Variants in KIAA0319 observed in about 807,000 individuals in gnomAD.
KIAA0319 encodes KIAA0319.
Under a neutral mutation model 108.4 loss-of-function variants are expected in KIAA0319, and 83 were observed. That is an observed-to-expected ratio of 0.77 (90% CI 0.64 to 0.92). The LOEUF is 0.92. Among genes scored for constraint, KIAA0319 ranks in the 40% least tolerant of loss-of-function variants. KIAA0319 has a pLI of 0.00. For missense variants in KIAA0319, 1,195 were observed against 1,322.4 expected (o/e 0.90, Z 1.49); for synonymous variants, 484 against 510.4 (o/e 0.95, Z 0.70).
intron 1 of KIAA0319, among the ~76,000 whole-genome samples, chr6:24,624,199 GGTT>G (rs1202563725): frequency 7.8e-6 from 1 of 128,458 alleles, no homozygotes; most frequent in Non-Finnish European, 1.6e-5. Context: ...TAATTTTTGG[GGTT>G]GTTTTTTTTT....
chr6:24,576,662 G>C, intron 9 of KIAA0319, 66 bp from the exon 10 acceptor site: 2 of 1,283,874 alleles, frequency 1.6e-6, no homozygotes, highest in Non-Finnish European at 2.3e-6. Flanking sequence ...ACTCACGCCT[G>C]TAATCCCAAC....
At chr6:24,638,615 C>G (rs1776511468) in intron 1 of KIAA0319, among the ~76,000 whole-genome samples, 1 of 152,038 alleles carries the variant, frequency 6.6e-6, no homozygotes, top group Non-Finnish European at 1.5e-5. Context: ...AAAAAATTAA[C>G]CAGGCGTGGT....
rs545968280 is a variant in KIAA0319 at position 24,631,789 on chromosome 6, A to G, written c.-106+13947T>C. ...TGCCTTGTGCTATAGTAAGTAAATT[A>G]TCACCTTTAGAAAACATGCCCCAAG... On this transcript the variant is annotated intron_variant, in intron 1 of 20. Transcript: ENST00000378214. 2.6e-5 allele frequency among the ~76,000 whole-genome samples: 4 copies of G among 152,368 alleles called. No individual in the cohort carries two copies. In the South Asian group the frequency reaches 8.3e-4, roughly 32 times the overall value.
rs190029180 is a variant in KIAA0319 at position 24,645,909 on chromosome 6, A to G, written c.-279T>C. 7.9e-5 allele frequency: 12 copies of G among 151,766 alleles called. No homozygotes were observed. The highest frequency in any genetic ancestry group is 1.3e-4 in the Non-Finnish European group (9 of 69,244). The allele number at this position is 151,766 out of a possible 1,614,324, so 9.4% of individuals were successfully genotyped here. On this transcript the variant is annotated 5_prime_UTR_variant, in exon 1 of 21. Coordinates refer to ENST00000378214, the MANE Select transcript of KIAA0319 (RefSeq NM_014809.4). ...CACACGTTCACACCCTCGCGCGCGCACCTGCTGTTAAGAGGTACAGCCCCA... is the reference window on the plus strand; with the variant it reads ...CACACGTTCACACCCTCGCGCGCGCGCCTGCTGTTAAGAGGTACAGCCCCA...
intron 1 of KIAA0319, among the ~76,000 whole-genome samples, chr6:24,611,871 C>A (rs9356938): frequency 5.9e-5 from 9 of 151,830 alleles, no homozygotes; most frequent in African/African-American, 2.2e-4. Context: ...CTGGACAACA[C>A]AGGGAGAACC....
At chr6:24,642,738 A>G (rs113456233) in intron 1 of KIAA0319, among the ~76,000 whole-genome samples, 8,704 of 136,474 alleles carry the variant, frequency 0.064, 337 homozygotes, top group Middle Eastern at 0.089. Flanking sequence ...TTTTTTTTTG[A>G]ATTAGAGTCT....
chr6:24,615,968 A>G (rs1404912147), intron 1 of KIAA0319, among the ~76,000 whole-genome samples: 1 of 152,206 alleles, frequency 6.6e-6, no homozygotes, highest in Non-Finnish European at 1.5e-5. Flanking sequence ...TATCAGAAAT[A>G]TGAGTTTCTC....
intron 1 of KIAA0319, among the ~76,000 whole-genome samples, chr6:24,630,551 GA>G (rs1222354430): frequency 1.4e-5 from 2 of 141,046 alleles, no homozygotes; most frequent in African/African-American, 2.5e-5. Context: ...AAAGAAAAAA[GA>G]AAAAAATTAC....
At chr6:24,595,746 G>T in intron 3 of KIAA0319, 127 bp downstream of exon 3, 2 of 965,334 alleles carry the variant, frequency 2.1e-6, no homozygotes, top group Non-Finnish European at 3.0e-6. Flanking sequence ...TGAGACAGGT[G>T]CCCTTAGGCG....
intron 1 of KIAA0319, among the ~76,000 whole-genome samples, chr6:24,606,917 G>T (rs560338256): frequency 1.5e-3 from 236 of 152,372 alleles, no homozygotes; most frequent in Non-Finnish European, 3.0e-3. Context: ...CCTTGAGAAA[G>T]CAAGCCAGTG....
intron 4 of KIAA0319, among the ~76,000 whole-genome samples, chr6:24,587,752 A>G (rs1008565901): frequency 1.3e-5 from 2 of 150,538 alleles, no homozygotes; most frequent in African/African-American, 4.9e-5. Context: ...ACGCCCAGCT[A>G]ATTTTTTTTG....
chr6:24,607,805 G>A (rs1039752388), intron 1 of KIAA0319, among the ~76,000 whole-genome samples: 2 of 152,044 alleles, frequency 1.3e-5, no homozygotes, highest in Admixed American at 1.3e-4. Flanking sequence ...GCTTAAGTAT[G>A]CATTTTAAAT....
rs1039035204 is a variant in KIAA0319 at position 24,596,426 on chromosome 6, G to A, written c.248C>T (p.Pro83Leu). 1.2e-6 allele frequency: 2 copies of A among 1,614,056 alleles called. No individual in the cohort carries two copies. Among genetic ancestry groups the A allele is most frequent in the Non-Finnish European group, 8.5e-7 (1 of 1,180,036 alleles). ...CTTGGGCTCACAGTTCTCTTTGTGGGGGCAGCTCACCAGGTAGCAGCGGCC... is the reference window on the plus strand; with the variant it reads ...CTTGGGCTCACAGTTCTCTTTGTGGAGGCAGCTCACCAGGTAGCAGCGGCC... The part of the protein sequence containing the change: ...FEGRCYLVSC[P>L]HKENCEPKKM... The change falls in exon 3 of 21, where the codon CCC becomes CTC. Residue 83 changes from proline (P) to leucine (L), a missense_variant. By Grantham distance (98) the Pro-to-Leu change is moderately conservative. Transcript: ENST00000378214.
rs554358650 is a variant in KIAA0319, at chr6:24,556,621, C to G, written c.2843G>C (p.Gly948Ala). The G allele has an allele frequency of 6.2e-7, 1 of 1,614,010 alleles. No individual in the cohort carries two copies. The highest frequency in any genetic ancestry group is 1.7e-5 in the Admixed American group (1 of 60,026). The change falls in exon 18 of 21, where the codon GGA becomes GCA. Residue 948 changes from glycine to alanine, a missense_variant. By Grantham distance (60) the Gly-to-Ala change is moderately conservative. Coordinates refer to ENST00000378214, the MANE Select transcript of KIAA0319 (RefSeq NM_014809.4). ...ENLIQRYIWD[G>A]ESNCEWSIFY... ...CCAGAACTCACCACAGTTGCTCTCT[C>G]CATCCCAGATATAACGCTGTATAAG...
At position 24,595,909 on chromosome 6, in the gene KIAA0319, C is replaced by A. The variant is rs546801758; in HGVS notation, c.765G>T (p.Gln255His). 1.2e-6 allele frequency: 2 copies of A among 1,611,236 alleles called. No individual in the cohort carries two copies. The highest frequency in any genetic ancestry group is 2.7e-5 in the African/African-American group (2 of 74,986). ...AGCTGTTGCTGGATTGTTCCTGGAGCTGAGAAGCCTTTTCTTTCTCCAACA... is the reference window on the plus strand; with the variant it reads ...AGCTGTTGCTGGATTGTTCCTGGAGATGAGAAGCCTTTTCTTTCTCCAACA... Reference protein sequence around the residue: ...GEVLEKEKASQLQEQSSNSSG... With the variant: ...GEVLEKEKASHLQEQSSNSSG... Residue 255 changes from glutamine (Q) to histidine (H), a missense_variant, in exon 3 of 21, where the codon CAG becomes CAT. Coordinates refer to ENST00000378214, the MANE Select transcript of KIAA0319 (RefSeq NM_014809.4).
At chr6:24,635,502 G>A (rs984986182) in intron 1 of KIAA0319, among the ~76,000 whole-genome samples, 1 of 152,096 alleles carries the variant, frequency 6.6e-6, no homozygotes, top group Non-Finnish European at 1.5e-5. Context: ...TCCTTTCAGA[G>A]AATGCTTTAA....
rs1359439280 is a variant in KIAA0319, at chr6:24,564,214, C to T, written c.2419G>A (p.Glu807Lys). Reference protein sequence around the residue: ...GASDTDTATVEVQPDPRKSGL... With the variant: ...GASDTDTATVKVQPDPRKSGL... ...CCCAGGAACTCACCTGGCTGCACTT[C>T]CACAGTGGCAGTGTCTGTGTCCGAG... Residue 807 changes from glutamate (E) to lysine (K), a missense_variant, in exon 15 of 21, where the codon GAA (glutamate) becomes AAA (lysine). Glu to Lys is a moderately conservative substitution (Grantham distance 56). Transcript: ENST00000378214. The T allele has an allele frequency of 1.1e-5, 17 of 1,614,000 alleles. No homozygotes were observed. Among genetic ancestry groups the T allele is most frequent in the Non-Finnish European group, 1.4e-5 (17 of 1,180,014 alleles).
chr6:24,547,362 G>T lies in KIAA0319; in HGVS notation c.3041-19C>A. The T allele has an allele frequency of 6.2e-7, 1 of 1,607,912 alleles. No individual in the cohort carries two copies. The highest frequency in any genetic ancestry group is 1.1e-5 in the South Asian group (1 of 90,688). On this transcript the variant is annotated intron_variant, in intron 20 of 20. Transcript: ENST00000378214. ...TTGATACCTAGAGAGAAGCACAGAAGCATCTGAGGAGGAACGCCGTGATTC... is the reference window on the plus strand; with the variant it reads ...TTGATACCTAGAGAGAAGCACAGAATCATCTGAGGAGGAACGCCGTGATTC...
rs3840133 is a variant in KIAA0319, at chr6:24,579,412, G to GATATATATATAT, written c.1372+434_1372+445dup. Among the ~76,000 whole-genome samples the GATATATATATAT allele has an allele frequency of 5.2e-3, 660 of 127,216 alleles. 9 individuals carry two copies. The highest frequency in any genetic ancestry group is 9.5e-3 in the South Asian group (40 of 4,194). 83.5% of individuals were successfully genotyped at this position (127,216 alleles called of 152,430 possible). Reference sequence around the variant, plus strand: ...GGTCACGGGAGCTCCTCTATATAAAGATATATATATATATATATATCTTAT... The same window carrying GATATATATATAT: ...GGTCACGGGAGCTCCTCTATATAAAGATATATATATATATATATATATATATATATATCTTAT... On this transcript the variant is annotated intron_variant, in intron 8 of 20. Transcript: ENST00000378214.
Sources: allele counts gnomAD v4.1 joint callset (sites outside exome capture counted in the v4.1 genomes callset), GRCh38; gene constraint gnomAD v4.1.1; transcripts MANE v1.5; gene names NCBI Gene and HGNC (gene_info 2026-07-23, HGNC 2026-07-21).